RCAN1: variants seen among roughly 807,000 people sequenced by gnomAD.
RCAN1 encodes calcipressin-1.
In RCAN1, 11 loss-of-function variants were observed where a neutral mutation model predicts 22.9. That is an observed-to-expected ratio of 0.48 (90% confidence interval 0.30 to 0.79). The LOEUF (loss-of-function observed/expected upper bound fraction) is 0.79, where lower values mean the gene tolerates loss of function less well. RCAN1 is among the 30% of genes least tolerant of loss of function. The pLI, the probability that RCAN1 is intolerant of heterozygous loss-of-function variation, is 0.06. For missense variants in RCAN1, 291 were observed against 337.8 expected, an observed-to-expected ratio of 0.86 and a Z score of 1.09; for synonymous variants, 136 against 142.3, an observed-to-expected ratio of 0.96 and a Z score of 0.32.
intron 1 of RCAN1, among the ~76,000 whole-genome samples, chr21:34,579,878 T>C (rs2123695625): frequency 6.6e-6 from 1 of 152,304 alleles, no homozygotes; most frequent in South Asian, 2.1e-4. Context: ...TGGTTTGCAG[T>C]TGTGACCTTG....
rs200354526 is a variant in RCAN1 at position 34,555,906 on chromosome 21, A to G, written c.253-32196T>C. 2.6e-5 allele frequency among the ~76,000 whole-genome samples: 4 copies of G among 151,710 alleles called. No homozygotes were observed. The East Asian group carries it at 7.8e-4, about 29-fold the overall frequency. On this transcript the variant is annotated intron_variant, in intron 1 of 3. Coordinates refer to ENST00000313806, the MANE Select transcript of RCAN1 (RefSeq NM_004414.7). ...ATGAAACCCTGTCTCTACGAAAAAT[A>G]CAAAAAATTAGCCGGGCATGGTGGC... is the stretch of plus-strand genomic sequence containing the variant.
At chr21:34,531,847 C>T (rs7276523) in intron 1 of RCAN1, among the ~76,000 whole-genome samples, 2,675 of 152,126 alleles carry the variant, frequency 0.018, 75 homozygotes, top group African/African-American at 0.061. Context: ...CTTTCCTTTC[C>T]TTCCTTAAGA....
chr21:34,553,498 C>T lies in RCAN1; in HGVS notation c.253-29788G>A, dbSNP rs191035931. Reference sequence around the variant, plus strand: ...TTTTTCTGACTAATTCATTCCATACCGTAGTTTTCCATGGCTGATTCATAA... The same window carrying T: ...TTTTTCTGACTAATTCATTCCATACTGTAGTTTTCCATGGCTGATTCATAA... On this transcript the variant is annotated intron_variant, in intron 1 of 3. Coordinates refer to ENST00000313806, the MANE Select transcript of RCAN1 (RefSeq NM_004414.7). Among the ~76,000 whole-genome samples the T allele has an allele frequency of 7.5e-4, 114 of 152,258 alleles. 1 individual carries two copies. Among genetic ancestry groups the T allele is most frequent in the Admixed American group, 3.3e-3 (51 of 15,286 alleles).
intron 1 of RCAN1, among the ~76,000 whole-genome samples, chr21:34,549,978 C>A (rs1986305465): frequency 6.6e-6 from 1 of 152,012 alleles, no homozygotes; most frequent in Non-Finnish European, 1.5e-5. Context: ...CTGGTGGTGG[C>A]AGTGACAGGG....
At chr21:34,569,228 G>C (rs929798962) in intron 1 of RCAN1, among the ~76,000 whole-genome samples, 2 of 152,170 alleles carry the variant, frequency 1.3e-5, no homozygotes, top group African/African-American at 4.8e-5. Flanking sequence ...AGGTTGCATA[G>C]GTTTCTGTGG....
intron 1 of RCAN1, among the ~76,000 whole-genome samples, chr21:34,532,566 A>T (rs1254031998): frequency 6.6e-6 from 1 of 152,212 alleles, no homozygotes; most frequent in Non-Finnish European, 1.5e-5. Flanking sequence ...TCTCTCAAAA[A>T]TGCCAGCTAA....
intron 1 of RCAN1, among the ~76,000 whole-genome samples, chr21:34,537,727 G>A (rs992174703): frequency 9.2e-5 from 14 of 152,266 alleles, no homozygotes; most frequent in African/African-American, 3.1e-4. Context: ...CGTACAGGCA[G>A]AGAAGTTTAC....
chr21:34,556,098 A>C (rs1986559866), intron 1 of RCAN1, among the ~76,000 whole-genome samples: 1 of 62,638 alleles, frequency 1.6e-5, no homozygotes, highest in African/African-American at 5.6e-5. Flanking sequence ...ATAAATAAAT[A>C]ATTAAAGGCC....
At chr21:34,584,310 A>G (rs1987716765) in intron 1 of RCAN1, among the ~76,000 whole-genome samples, 1 of 152,226 alleles carries the variant, frequency 6.6e-6, no homozygotes, top group African/African-American at 2.4e-5. Flanking sequence ...TGCATTCACC[A>G]AACAACTTCA....
At chr21:34,539,004 A>G (rs539469715) in intron 1 of RCAN1, among the ~76,000 whole-genome samples, 2 of 152,296 alleles carry the variant, frequency 1.3e-5, no homozygotes, top group Non-Finnish European at 2.9e-5. Flanking sequence ...CACTACAAAA[A>G]TGCTGCTTAT....
chr21:34,545,633 C>G (rs1175434729), intron 1 of RCAN1, among the ~76,000 whole-genome samples: 1 of 152,190 alleles, frequency 6.6e-6, no homozygotes, highest in Non-Finnish European at 1.5e-5. Flanking sequence ...GTTACACTAA[C>G]GACATTGTGG....
At chr21:34,554,995 C>T (rs1473492961) in intron 1 of RCAN1, among the ~76,000 whole-genome samples, 3 of 152,192 alleles carry the variant, frequency 2.0e-5, no homozygotes, top group South Asian at 2.1e-4. Context: ...TCCCACAACA[C>T]GTGGGAATTA....
At chr21:34,523,389 G>A (rs1003173085) in intron 2 of RCAN1, 148 bp downstream of exon 2, 46 of 728,394 alleles carry the variant, frequency 6.3e-5, no homozygotes, top group African/African-American at 9.0e-5. Flanking sequence ...CAAGTGAGAC[G>A]CTGAACATTC....
rs1984751084 is a variant in RCAN1 at position 34,523,443 on chromosome 21, C to A, written c.426+94G>T. 4 of 1,208,326 alleles carry A rather than the reference C, an allele frequency of 3.3e-6. No individual in the cohort carries two copies. In the South Asian group the frequency reaches 6.3e-5, roughly 19 times the overall value. The allele number at this position is 1,208,326 out of a possible 1,614,324, so 74.9% of individuals were successfully genotyped here. A position where few individuals can be genotyped will look rare whatever the true frequency, so the allele number is the denominator to read the frequency against. ...TTCTCAAGGTGAAGTCTCAGAGTTT[C>A]CGGTCAGCATATAACATAAGCAACG... On this transcript the variant is annotated intron_variant, in intron 2 of 3. Transcript: ENST00000313806.
intron 1 of RCAN1, among the ~76,000 whole-genome samples, chr21:34,540,783 G>A (rs1422980774): frequency 1.3e-5 from 2 of 152,004 alleles, no homozygotes; most frequent in Non-Finnish European, 2.9e-5. Flanking sequence ...TCAGGAGTTC[G>A]AGACAAGCCT....
intron 1 of RCAN1, among the ~76,000 whole-genome samples, chr21:34,527,443 C>T (rs1321808500): frequency 6.6e-6 from 1 of 152,104 alleles, no homozygotes; most frequent in Non-Finnish European, 1.5e-5. Flanking sequence ...ATTTTTTTCC[C>T]CAGTGACATT....
chr21:34,595,044 A>G (rs892370494), intron 1 of RCAN1, among the ~76,000 whole-genome samples: 1 of 152,244 alleles, frequency 6.6e-6, no homozygotes, highest in South Asian at 2.1e-4. Context: ...AAATGGGGAC[A>G]GTCATAGTAT....
At chr21:34,537,372 C>G (rs1030890689) in intron 1 of RCAN1, among the ~76,000 whole-genome samples, 1 of 152,214 alleles carries the variant, frequency 6.6e-6, no homozygotes, top group African/African-American at 2.4e-5. Flanking sequence ...TGAACTGTAG[C>G]CCATTAACAT....
chr21:34,604,885 A>C (rs565673954), intron 1 of RCAN1, among the ~76,000 whole-genome samples: 9 of 152,332 alleles, frequency 5.9e-5, no homozygotes, highest in Admixed American at 1.3e-4. Flanking sequence ...TAAATGAATG[A>C]ATGAATGGAT....
Sources: allele counts gnomAD v4.1 joint callset (sites outside exome capture counted in the v4.1 genomes callset), GRCh38; gene constraint gnomAD v4.1.1; transcripts MANE v1.5; gene names NCBI Gene and HGNC (gene_info 2026-07-23, HGNC 2026-07-21).